The following PIK3C2G variants were observed in gnomAD, a reference collection of about 807,000 sequenced individuals.
PIK3C2G encodes phosphatidylinositol-4-phosphate 3-kinase catalytic subunit type 2 gamma, also known as phosphatidylinositol 3-kinase C2 domain-containing subunit gamma.
A neutral mutation model predicts 181.1 loss-of-function variants in PIK3C2G; 168 were observed. The observed-to-expected ratio is 0.93, with a 90% confidence interval of 0.82 to 1.05. The LOEUF is 1.05. Ranked by LOEUF, PIK3C2G falls within the 50% of genes least tolerant of loss-of-function variation. The pLI is 0.00. For synonymous variants in PIK3C2G, 573 were observed against 592.2 expected, an observed-to-expected ratio of 0.97 and a Z score of 0.47; for missense variants, 1,869 against 1,732.8, an observed-to-expected ratio of 1.08 and a Z score of -1.40.
intron 8 of PIK3C2G, among the ~76,000 whole-genome samples, chr12:18,329,703 G>A (rs969336777): frequency 6.6e-6 from 1 of 151,924 alleles, no homozygotes; most frequent in Non-Finnish European, 1.5e-5. Flanking sequence ...ATATCACGAG[G>A]TTTTCTAGAG....
intron 18 of PIK3C2G, among the ~76,000 whole-genome samples, chr12:18,426,144 T>A (rs1183778283): frequency 6.6e-6 from 1 of 152,200 alleles, no homozygotes; most frequent in Admixed American, 6.5e-5. Flanking sequence ...TTTTGAAATG[T>A]AGTATGTAAA....
intron 29 of PIK3C2G, among the ~76,000 whole-genome samples, chr12:18,572,822 C>T (rs1267892888): frequency 2.0e-5 from 3 of 151,142 alleles, no homozygotes; most frequent in Non-Finnish European, 4.4e-5. Flanking sequence ...CTTCTTCTGA[C>T]ATAACTTCTG....
At chr12:18,294,396 T>C (rs757232475) in intron 5 of PIK3C2G, among the ~76,000 whole-genome samples, 2 of 152,044 alleles carry the variant, frequency 1.3e-5, no homozygotes, top group Non-Finnish European at 2.9e-5. Context: ...AGTAAATAAA[T>C]TCTTTGGTGA....
intron 18 of PIK3C2G, among the ~76,000 whole-genome samples, chr12:18,447,263 G>C (rs1947080998): frequency 6.6e-6 from 1 of 152,054 alleles, no homozygotes; most frequent in Non-Finnish European, 1.5e-5. Context: ...TGCCCAGTTA[G>C]GTAGATTTGT....
chr12:18,376,946 G>C (rs1053286475), intron 13 of PIK3C2G, among the ~76,000 whole-genome samples: 4 of 152,186 alleles, frequency 2.6e-5, no homozygotes, highest in Non-Finnish European at 5.9e-5. Flanking sequence ...GCAGAATAAT[G>C]AGCCAAGTAA....
At chr12:18,707,537 C>G in the PIK3C2G span, among the ~76,000 whole-genome samples, 1 of 152,150 alleles carries the variant, frequency 6.6e-6, no homozygotes, top group Non-Finnish European at 1.5e-5. Context: ...GTTTGCCCCC[C>G]ATTTCCTTAC....
Position 18,486,661 on chromosome 12 carries a change from T to TA in PIK3C2G, c.2505-1778dup, listed in dbSNP as rs764529586. 6.9e-3 allele frequency among the ~76,000 whole-genome samples: 1,019 copies of TA among 148,508 alleles called. 8 individuals carry two copies. The highest frequency in any genetic ancestry group is 0.023 in the African/African-American group (926 of 40,600). On this transcript the variant is annotated intron_variant, in intron 18 of 32. Transcript: ENST00000538779. ...TGTACTAGATCAGGTTAAAAATACT[T>TA]AAAAAAAAAACAAGTAGCCCAATAT...
intron 18 of PIK3C2G, among the ~76,000 whole-genome samples, chr12:18,456,576 G>A (rs1165623395): frequency 6.6e-6 from 1 of 152,118 alleles, no homozygotes; most frequent in African/African-American, 2.4e-5. Context: ...CTTTTATTAT[G>A]CAGATGGGTC....
intron 31 of PIK3C2G, among the ~76,000 whole-genome samples, chr12:18,637,610 G>A (rs1032613242): frequency 6.6e-5 from 10 of 152,096 alleles, no homozygotes; most frequent in African/African-American, 2.4e-4. Flanking sequence ...TGCCACACTG[G>A]GATCTAATTA....
the PIK3C2G span, among the ~76,000 whole-genome samples, chr12:18,718,659 C>CT: frequency 3.3e-5 from 5 of 152,140 alleles, no homozygotes; most frequent in Non-Finnish European, 7.4e-5. Context: ...CTTGAGAAGA[C>CT]TTTTCTGACA....
At chr12:18,549,156 A>G (rs1046131758) in intron 26 of PIK3C2G, among the ~76,000 whole-genome samples, 2 of 152,000 alleles carry the variant, frequency 1.3e-5, no homozygotes, top group Non-Finnish European at 2.9e-5. Flanking sequence ...CTTTTCTTCT[A>G]TAATTCTCTC....
chr12:18,246,080 T>C (rs1948036751), upstream of PIK3C2G, among the ~76,000 whole-genome samples: 3 of 152,152 alleles, frequency 2.0e-5, no homozygotes, highest in African/African-American at 7.2e-5. Context: ...AGTATCTTTA[T>C]CTCAATTTGA....
chr12:18,710,756 T>G, the PIK3C2G span, among the ~76,000 whole-genome samples: 1 of 152,024 alleles, frequency 6.6e-6, no homozygotes, highest in Non-Finnish European at 1.5e-5. Flanking sequence ...AAGAAGACAT[T>G]TATGCAGCCA....
chr12:18,726,326 GT>G, the PIK3C2G span, among the ~76,000 whole-genome samples: 1 of 152,150 alleles, frequency 6.6e-6, no homozygotes, highest in South Asian at 2.1e-4. Flanking sequence ...TTTGTCTCCT[GT>G]TTAAAAAACG....
chr12:18,369,566 G>A (rs1308795331), intron 12 of PIK3C2G, among the ~76,000 whole-genome samples: 1 of 21,476 alleles, frequency 4.7e-5, no homozygotes, highest in Non-Finnish European at 7.9e-5. Context: ...ATCATATAAC[G>A]ATCGTATAAT....
intron 29 of PIK3C2G, among the ~76,000 whole-genome samples, chr12:18,571,148 T>A (rs553136049): frequency 6.6e-6 from 1 of 151,098 alleles, no homozygotes; most frequent in Admixed American, 6.6e-5. Flanking sequence ...AACTTTTCAT[T>A]GTGATTTCTC....
the PIK3C2G span, chr12:18,701,742 T>G: frequency 6.2e-7 from 1 of 1,610,778 alleles, no homozygotes; most frequent in Non-Finnish European, 8.5e-7. Flanking sequence ...GGTTCCTATT[T>G]TCTTATTTTT....
intron 5 of PIK3C2G, among the ~76,000 whole-genome samples, chr12:18,309,570 A>T (rs909409477): frequency 2.0e-5 from 3 of 151,806 alleles, no homozygotes; most frequent in Non-Finnish European, 4.4e-5. Context: ...TTTGCCACTC[A>T]AGCAAGTACA....
At chr12:18,464,195 T>C (rs968747557) in intron 18 of PIK3C2G, among the ~76,000 whole-genome samples, 1 of 152,062 alleles carries the variant, frequency 6.6e-6, no homozygotes, top group African/African-American at 2.4e-5. Context: ...AAGTCCAAGA[T>C]CAACGCTAGC....
Sources: gnomAD v4.1 joint callset for allele counts (sites outside exome capture counted in the v4.1 genomes callset) on GRCh38, gnomAD v4.1.1 for gene constraint, MANE v1.5 for transcripts, NCBI Gene and HGNC (gene_info 2026-07-23, HGNC 2026-07-21) for gene names.